Variants in CMTM7 observed in about 807,000 individuals in gnomAD.
CMTM7 encodes the protein CKLF-like MARVEL transmembrane domain-containing protein 7.
In CMTM7, 7 loss-of-function variants were observed where a neutral mutation model predicts 19.3. The ratio of observed to expected loss-of-function variants is 0.36; its 90% CI spans 0.21 to 0.68. The LOEUF (loss-of-function observed/expected upper bound fraction) is 0.68. Ranked by LOEUF, CMTM7 falls within the 30% of genes least tolerant of loss-of-function variation. CMTM7 has a pLI of 0.60. For synonymous variants in CMTM7, 87 were observed against 99.3 expected (o/e 0.88, Z 0.74); for missense variants, 193 against 232.6 (o/e 0.83, Z 1.11).
At chr3:32,400,399 C>CTTTTT (rs11425160) in intron 1 of CMTM7, among the ~76,000 whole-genome samples, 54 of 116,550 alleles carry the variant, frequency 4.6e-4, no homozygotes, top group African/African-American at 1.1e-3. Flanking sequence ...TCTTCTTCTT[C>CTTTTT]TTTTTTTTTT....
chr3:32,435,265 G>A (rs111897332), intron 1 of CMTM7, among the ~76,000 whole-genome samples: 1,652 of 152,274 alleles, frequency 0.011, 11 homozygotes, highest in Non-Finnish European at 0.018. Context: ...TTAGCCGGGC[G>A]TGGTGGTGCA....
intron 2 of CMTM7, among the ~76,000 whole-genome samples, chr3:32,442,998 A>G (rs981318472): frequency 6.6e-6 from 1 of 152,198 alleles, no homozygotes. Context: ...TGAACGTCTC[A>G]TGTAAATGGA....
chr3:32,443,441 C>G (rs1303805755), intron 2 of CMTM7, among the ~76,000 whole-genome samples: 2 of 152,142 alleles, frequency 1.3e-5, no homozygotes, highest in Admixed American at 6.5e-5. Context: ...GTGGATAGAC[C>G]AGACTGCATT....
At chr3:32,397,408 C>T (rs1016159738) in intron 1 of CMTM7, among the ~76,000 whole-genome samples, 3 of 151,976 alleles carry the variant, frequency 2.0e-5, no homozygotes, top group East Asian at 1.9e-4. Context: ...GGGACATTTC[C>T]GTAAGTTCTG....
intron 1 of CMTM7, among the ~76,000 whole-genome samples, chr3:32,399,201 G>A (rs1695964247): frequency 6.6e-6 from 1 of 151,094 alleles, no homozygotes; most frequent in Non-Finnish European, 1.5e-5. Flanking sequence ...TTCATGAGGT[G>A]ACTCTTAACT....
At position 32,412,772 on chromosome 3, in the gene CMTM7, G is replaced by T. The variant is rs182439504; in HGVS notation, c.159+20707G>T. ...TATTTTGGCCCTTGTTTAAGAATAT[G>T]TGTAAAGTTTGCAGGGCTGTTACCC... On this transcript the variant is annotated intron_variant, in intron 1 of 4. Transcript: ENST00000334983. Among the ~76,000 whole-genome samples the T allele has an allele frequency of 1.6e-4, 24 of 152,272 alleles. No individual in the cohort carries two copies. In the East Asian group the frequency reaches 3.1e-3, roughly 20 times the overall value.
chr3:32,435,867 A>G (rs1314948423), intron 1 of CMTM7, among the ~76,000 whole-genome samples: 2 of 152,256 alleles, frequency 1.3e-5, no homozygotes, highest in Non-Finnish European at 2.9e-5. Flanking sequence ...TTGAAACTTA[A>G]TATGTGATTC....
intron 1 of CMTM7, among the ~76,000 whole-genome samples, chr3:32,437,187 G>C (rs1193791874): frequency 6.6e-6 from 1 of 152,174 alleles, no homozygotes; most frequent in Non-Finnish European, 1.5e-5. Context: ...AAAGGACACA[G>C]GTTCCAGGGA....
intron 1 of CMTM7, among the ~76,000 whole-genome samples, chr3:32,402,482 A>G (rs914121884): frequency 1.2e-4 from 18 of 152,064 alleles, no homozygotes; most frequent in African/African-American, 3.9e-4. Flanking sequence ...TCCACTTACT[A>G]CTCCCAAAGG....
Position 32,423,937 on chromosome 3 carries a change from C to T in CMTM7, c.160-17903C>T, listed in dbSNP as rs575149107. ...TCAAAACATGAAACCCAGAACAGTG[C>T]ATATGTTACTTTCAATAGAGGCCAG... On this transcript the variant is annotated intron_variant, in intron 1 of 4. Transcript: ENST00000334983. Among the ~76,000 whole-genome samples the T allele has an allele frequency of 1.1e-4, 17 of 152,314 alleles. No individual in the cohort carries two copies. In the South Asian group the frequency reaches 2.9e-3, roughly 26 times the overall value.
rs147611444 is a variant in CMTM7 at position 32,408,442 on chromosome 3, G to C, written c.159+16377G>C. ...CTTTCGGAGAGGTGATGGCCACGCT[G>C]TCTGCCTCTCAGAATGGCAATGACA... On this transcript the variant is annotated intron_variant, in intron 1 of 4. Transcript: ENST00000334983. Among the ~76,000 whole-genome samples the C allele has an allele frequency of 5.3e-4, 81 of 152,356 alleles. No homozygotes were observed. The East Asian group carries it at 0.015, about 28-fold the overall frequency.
At chr3:32,434,528 C>A (rs2125636508) in intron 1 of CMTM7, among the ~76,000 whole-genome samples, 1 of 151,624 alleles carries the variant, frequency 6.6e-6, no homozygotes, top group South Asian at 2.1e-4. Flanking sequence ...TGGTCTCGAA[C>A]CCTTGGCTTC....
intron 1 of CMTM7, among the ~76,000 whole-genome samples, chr3:32,415,957 G>C (rs1326793585): frequency 6.6e-6 from 1 of 152,190 alleles, no homozygotes; most frequent in African/African-American, 2.4e-5. Flanking sequence ...GTATTTAGCT[G>C]TCATCTGTAG....
chr3:32,397,964 A>T (rs977887265), intron 1 of CMTM7, among the ~76,000 whole-genome samples: 1 of 152,180 alleles, frequency 6.6e-6, no homozygotes, highest in Non-Finnish European at 1.5e-5. Context: ...ATGGAAGAGG[A>T]TCAGAGGGCA....
chr3:32,443,979 A>G (rs1032296070), intron 2 of CMTM7, among the ~76,000 whole-genome samples: 2 of 152,202 alleles, frequency 1.3e-5, no homozygotes, highest in African/African-American at 4.8e-5. Context: ...TATCAGCTAT[A>G]TGACTTGAAA....
Position 32,441,820 on chromosome 3 carries a change from T to G in CMTM7, c.160-20T>G. 6.2e-7 allele frequency: 1 copy of G among 1,611,404 alleles called. No homozygotes were observed. Among genetic ancestry groups the G allele is most frequent in the Non-Finnish European group, 8.5e-7 (1 of 1,178,108 alleles). ...CCGTCTTGGGCAAGCATTTCTCTGA[T>G]GTCTCTATTTATGTGGCAGGTCACC... On this transcript the variant is annotated intron_variant, in intron 1 of 4. Coordinates refer to ENST00000334983, the MANE Select transcript of CMTM7 (RefSeq NM_138410.4).
At chr3:32,447,327 C>T (rs923451944) in intron 2 of CMTM7, among the ~76,000 whole-genome samples, 2 of 152,102 alleles carry the variant, frequency 1.3e-5, no homozygotes, top group South Asian at 4.1e-4. Context: ...TCTGATATAT[C>T]GTCTATCCTG....
At chr3:32,401,943 C>T (rs974069969) in intron 1 of CMTM7, among the ~76,000 whole-genome samples, 1 of 152,230 alleles carries the variant, frequency 6.6e-6, no homozygotes, top group Non-Finnish European at 1.5e-5. Flanking sequence ...GAGCCCTTCT[C>T]AGCCTCCTGC....
chr3:32,419,743 A>G (rs1696316274), intron 1 of CMTM7, among the ~76,000 whole-genome samples: 4 of 152,198 alleles, frequency 2.6e-5, no homozygotes, highest in Non-Finnish European at 5.9e-5. Flanking sequence ...GCTGTGGTAC[A>G]TTTGTATTTC....
Sources: allele counts gnomAD v4.1 joint callset (sites outside exome capture counted in the v4.1 genomes callset), GRCh38; gene constraint gnomAD v4.1.1; transcripts MANE v1.5; gene names NCBI Gene and HGNC (gene_info 2026-07-23, HGNC 2026-07-21).